Variants in TTLL11 observed in about 807,000 individuals in gnomAD.
TTLL11 encodes tubulin tyrosine ligase like 11.
TTLL11 carries 42 observed loss-of-function variants against 51.7 expected under a neutral mutation model. The ratio of observed to expected loss-of-function variants is 0.81; its 90% CI spans 0.64 to 1.05. The LOEUF is 1.05. Ranked by LOEUF, TTLL11 falls within the 50% of genes least tolerant of loss-of-function variation. TTLL11 has a pLI of 0.00. For synonymous variants in TTLL11, 381 were observed against 383.5 expected (o/e 0.99, Z 0.08); for missense variants, 799 against 940.4 (o/e 0.85, Z 1.97).
chr9:122,021,172 A>G (rs900987591), intron 3 of TTLL11, among the ~76,000 whole-genome samples: 24 of 152,220 alleles, frequency 1.6e-4, no homozygotes, highest in Admixed American at 9.2e-4. Flanking sequence ...CCTGAGAGAT[A>G]GGAATTGAAC....
intron 8 of TTLL11, among the ~76,000 whole-genome samples, chr9:121,841,932 CAGGGAAGACATGGA>C (rs1464923952): frequency 6.6e-6 from 1 of 152,112 alleles, no homozygotes; most frequent in African/African-American, 2.4e-5. Flanking sequence ...CTCTAGACTT[CAGGGAAGACATGGA>C]TGCCTGACCA....
intron 6 of TTLL11, among the ~76,000 whole-genome samples, chr9:121,915,491 C>T (rs1018153071): frequency 2.0e-5 from 3 of 152,216 alleles, no homozygotes; most frequent in Non-Finnish European, 4.4e-5. Context: ...ACACCCATCA[C>T]ATCGTATTCT....
intron 6 of TTLL11, among the ~76,000 whole-genome samples, chr9:121,898,919 A>C (rs1839646477): frequency 6.6e-6 from 1 of 152,130 alleles, no homozygotes; most frequent in Non-Finnish European, 1.5e-5. Context: ...CCTTGTCCTC[A>C]TGCCTGCTTC....
intron 3 of TTLL11, among the ~76,000 whole-genome samples, chr9:122,002,782 C>T (rs531196325): frequency 6.6e-6 from 1 of 151,784 alleles, no homozygotes; most frequent in African/African-American, 2.4e-5. Context: ...CCCGTCTCTA[C>T]TAAAACTACA....
chr9:121,985,103 G>A (rs1386781159), intron 4 of TTLL11, among the ~76,000 whole-genome samples: 1 of 152,160 alleles, frequency 6.6e-6, no homozygotes, highest in Non-Finnish European at 1.5e-5. Flanking sequence ...GATTGGAAAG[G>A]GGTCACCGTC....
At position 122,010,688 on chromosome 9, in the gene TTLL11, G is replaced by C. The variant is rs540462714; in HGVS notation, c.694-20918C>G. 1.1e-4 allele frequency among the ~76,000 whole-genome samples: 17 copies of C among 152,306 alleles called. No individual in the cohort carries two copies. The South Asian group carries it at 3.5e-3, about 32-fold the overall frequency. ...GTATTGACAAATGTATCCAATCGAA[G>C]GACAGCTTTCCATGGGCATTTGAAT... On this transcript the variant is annotated intron_variant, in intron 3 of 8. Coordinates refer to ENST00000321582, the MANE Select transcript of TTLL11 (RefSeq NM_001139442.2).
intron 1 of TTLL11, among the ~76,000 whole-genome samples, chr9:122,041,042 G>T (rs1844833080): frequency 6.6e-6 from 1 of 152,118 alleles, no homozygotes; most frequent in South Asian, 2.1e-4. Context: ...CCTTGTCAGT[G>T]GGCAACCCAA....
intron 6 of TTLL11, among the ~76,000 whole-genome samples, chr9:121,893,350 A>G (rs113123949): frequency 6.7e-5 from 10 of 149,988 alleles, no homozygotes; most frequent in South Asian, 6.4e-4. Flanking sequence ...ATGCATGCAT[A>G]TGTGTGTGTG....
At chr9:121,952,278 C>T (rs965143411) in intron 6 of TTLL11, among the ~76,000 whole-genome samples, 3 of 152,028 alleles carry the variant, frequency 2.0e-5, no homozygotes, top group African/African-American at 7.3e-5. Flanking sequence ...AACCCAGTCT[C>T]TACTAAAAAA....
At chr9:122,091,759 C>T (rs1846265610) in intron 1 of TTLL11, among the ~76,000 whole-genome samples, 1 of 152,216 alleles carries the variant, frequency 6.6e-6, no homozygotes, top group Admixed American at 6.5e-5. Context: ...CTCCTGAAAG[C>T]ACATTAAATA....
intron 3 of TTLL11, among the ~76,000 whole-genome samples, chr9:122,002,153 C>G (rs1391975912): frequency 1.3e-5 from 2 of 152,222 alleles, no homozygotes; most frequent in African/African-American, 2.4e-5. Context: ...CTCATGGGCT[C>G]CCAGGAAATG....
chr9:122,081,374 T>C (rs1459761126), intron 1 of TTLL11, among the ~76,000 whole-genome samples: 1 of 152,226 alleles, frequency 6.6e-6, no homozygotes, highest in African/African-American at 2.4e-5. Context: ...GCCATACATG[T>C]TACCTATATG....
intron 8 of TTLL11, among the ~76,000 whole-genome samples, chr9:121,827,321 C>A (rs1257785120): frequency 6.6e-6 from 1 of 152,108 alleles, no homozygotes; most frequent in East Asian, 1.9e-4. Flanking sequence ...TGGATCTTCA[C>A]AAGCAGCACA....
chr9:121,836,246 C>T (rs1837176355), intron 8 of TTLL11, among the ~76,000 whole-genome samples: 1 of 152,174 alleles, frequency 6.6e-6, no homozygotes, highest in Admixed American at 6.5e-5. Context: ...CCTAGCCATT[C>T]ACTCAGAGTC....
At position 122,093,036 on chromosome 9, in the gene TTLL11, G is replaced by A. The variant is rs543359649; in HGVS notation, c.113C>T (p.Ala38Val). ...AEAEATAETVAEQVRVDAGAA... is the reference protein window; with the variant it reads ...AEAEATAETVVEQVRVDAGAA... ...GCCCGCGTCCACGCGGACCTGTTCC[G>A]CCACCGTCTCCGCTGTGGCCTCGGC... The change falls in exon 1 of 9, where the codon GCG becomes GTG. Residue 38 changes from alanine (A) to valine (V), a missense_variant. Ala to Val is a moderately conservative substitution (Grantham distance 64). Transcript: ENST00000321582. 772 of 1,524,196 alleles carry A rather than the reference G, an allele frequency of 5.1e-4. 8 individuals carry two copies. In the African/African-American group the frequency reaches 1.0e-2, roughly 20 times the overall value. 94.4% of individuals were successfully genotyped at this position (1,524,196 alleles called of 1,614,324 possible). A position where few individuals can be genotyped will look rare whatever the true frequency, so the allele number is the denominator to read the frequency against.
chr9:122,004,732 G>A (rs1413362538), intron 3 of TTLL11, among the ~76,000 whole-genome samples: 1 of 152,242 alleles, frequency 6.6e-6, no homozygotes, highest in African/African-American at 2.4e-5. Context: ...CACCGTGGAT[G>A]GAATCAAATG....
At chr9:122,058,869 A>C (rs990736362) in intron 1 of TTLL11, among the ~76,000 whole-genome samples, 6 of 152,222 alleles carry the variant, frequency 3.9e-5, no homozygotes, top group Non-Finnish European at 7.3e-5. Flanking sequence ...CTCAGTTGGC[A>C]ATGACAGCTG....
At chr9:121,826,537 G>GTATATATATA (rs1157615086) in intron 8 of TTLL11, among the ~76,000 whole-genome samples, 1 of 47,008 alleles carries the variant, frequency 2.1e-5, no homozygotes, top group African/African-American at 1.2e-4. Context: ...ATGTGTGTGT[G>GTATATATATA]TATATATATA....
At chr9:122,007,005 A>C (rs1014758350) in intron 3 of TTLL11, among the ~76,000 whole-genome samples, 3 of 149,762 alleles carry the variant, frequency 2.0e-5, no homozygotes, top group Admixed American at 6.6e-5. Context: ...AAAAAAAAAA[A>C]AAAACTTTTC....
Sources: gnomAD v4.1 joint callset for allele counts (sites outside exome capture counted in the v4.1 genomes callset) on GRCh38, gnomAD v4.1.1 for gene constraint, MANE v1.5 for transcripts, NCBI Gene and HGNC (gene_info 2026-07-23, HGNC 2026-07-21) for gene names.